EHMT1: variants seen among roughly 807,000 people sequenced by gnomAD.
EHMT1 encodes the protein histone-lysine N-methyltransferase EHMT1.
EHMT1 carries 15 observed loss-of-function variants against 147.2 expected under a neutral mutation model. That is an observed-to-expected ratio of 0.10 (90% confidence interval 0.07 to 0.16). The LOEUF (loss-of-function observed/expected upper bound fraction) is 0.16, where lower values mean the gene tolerates loss of function less well. EHMT1 is among the 10% of genes least tolerant of loss of function. The probability of loss-of-function intolerance (pLI) is 1.00; values close to 1 mark genes in which losing one functional copy is unlikely to be tolerated. For missense variants in EHMT1, 1,587 were observed against 1,772.4 expected (o/e 0.90, Z 1.88); for synonymous variants, 795 against 709.6 (o/e 1.12, Z -1.91).
chr9:137,805,450 G>A (rs1588811987), intron 18 of EHMT1, among the ~76,000 whole-genome samples: 2 of 152,360 alleles, frequency 1.3e-5, no homozygotes, highest in East Asian at 3.9e-4. Context: ...AGATGTGTGT[G>A]TCAGCTCCAG....
At chr9:137,730,744 C>T (rs1947038037) in intron 4 of EHMT1, among the ~76,000 whole-genome samples, 1 of 152,222 alleles carries the variant, frequency 6.6e-6, no homozygotes, top group South Asian at 2.1e-4. Context: ...GGCGTGGGCA[C>T]CTCTTCAGGA....
chr9:137,625,672 C>T (rs1231109044), intron 1 of EHMT1, among the ~76,000 whole-genome samples: 1 of 151,818 alleles, frequency 6.6e-6, no homozygotes, highest in African/African-American at 2.4e-5. Flanking sequence ...TCTGTGTTCT[C>T]CTTTTCCGTT....
At chr9:137,717,242 C>T in intron 3 of EHMT1, 60 bp downstream of exon 3, 1 of 1,583,968 alleles carries the variant, frequency 6.3e-7, no homozygotes, top group Non-Finnish European at 8.6e-7. Flanking sequence ...TTAATAACGG[C>T]AAATGGACTT....
Position 137,716,653 on chromosome 9 carries a change from C to A in EHMT1, c.113C>A (p.Ser38Ter). 6.3e-7 allele frequency: 1 copy of A among 1,587,318 alleles called. No homozygotes were observed. ...EETPMAADEG[S>*]AEKQAGEAHM... is the part of the protein sequence containing the mutation. ...ACACCTATGGCTGCCGATGAAGGCT[C>A]AGCAGAGAAACAGGCAGGAGAGGCC... The change falls in exon 3 of 27, where the codon TCA becomes TAA. Residue 38 changes from serine to a stop codon, truncating the protein, a stop_gained. Coordinates refer to ENST00000460843, the MANE Select transcript of EHMT1 (RefSeq NM_024757.5). LOFTEE classifies it high-confidence loss of function.
rs1948264978 is a variant in EHMT1, at chr9:137,743,310, A to G, written c.824-61A>G. The stretch of plus-strand genomic sequence containing the variant: ...GTAAACTGTCTCTTACCTTTGAAAA[A>G]CATTTGAATGGTGTTTCTTTTCCTT... On this transcript the variant is annotated intron_variant, in intron 4 of 26. Coordinates refer to ENST00000460843, the MANE Select transcript of EHMT1 (RefSeq NM_024757.5). 5 of 1,522,998 alleles carry G rather than the reference A, an allele frequency of 3.3e-6. No individual in the cohort carries two copies. In the Admixed American group the frequency reaches 6.3e-5, roughly 19 times the overall value. 94.3% of individuals were successfully genotyped at this position (1,522,998 alleles called of 1,614,324 possible).
intron 18 of EHMT1, among the ~76,000 whole-genome samples, chr9:137,809,559 A>G (rs1954243207): frequency 6.6e-6 from 1 of 152,184 alleles, no homozygotes; most frequent in South Asian, 2.1e-4. Flanking sequence ...GGCTTGGTTT[A>G]TGGCATCTGG....
At chr9:137,802,252 A>T (rs4876900) in intron 18 of EHMT1, among the ~76,000 whole-genome samples, 1 of 152,134 alleles carries the variant, frequency 6.6e-6, no homozygotes, top group Admixed American at 6.5e-5. Flanking sequence ...GCATAGACAC[A>T]CTGCAGCCCA....
rs561567964 is a variant in EHMT1, at chr9:137,737,789, C to T, written c.824-5582C>T. 8.5e-5 allele frequency among the ~76,000 whole-genome samples: 13 copies of T among 152,260 alleles called. No individual in the cohort carries two copies. In the South Asian group the frequency reaches 1.7e-3, roughly 19 times the overall value. ...ACACTGTTAACGGAATAAAAAGGCA[C>T]CTGTGGAGTAGGAGAAAATATCTGC... On this transcript the variant is annotated intron_variant, in intron 4 of 26. Transcript: ENST00000460843.
intron 1 of EHMT1, among the ~76,000 whole-genome samples, chr9:137,673,577 C>A (rs1940919482): frequency 2.0e-5 from 3 of 152,100 alleles, no homozygotes; most frequent in Non-Finnish European, 4.4e-5. Flanking sequence ...ATGTCTGTGT[C>A]CCTCCCTCAG....
At position 137,813,865 on chromosome 9, in the gene EHMT1, C is replaced by T. The variant is rs561983346; in HGVS notation, c.3180+335C>T. On this transcript the variant is annotated intron_variant, in intron 21 of 26. Coordinates refer to ENST00000460843, the MANE Select transcript of EHMT1 (RefSeq NM_024757.5). The surrounding 1 kb of genome is among the most constrained non-coding windows in gnomAD (Gnocchi z 4.9). ...GGGGCACAGGCGAGAGGAGCCCTTGCGAGGCCTGCAGGACGACCTGGATCC... is the reference window on the plus strand; with the variant it reads ...GGGGCACAGGCGAGAGGAGCCCTTGTGAGGCCTGCAGGACGACCTGGATCC... Among the ~76,000 whole-genome samples, 76 of 152,278 alleles carry T rather than the reference C, an allele frequency of 5.0e-4. No homozygotes were observed. The South Asian group carries it at 0.015, about 30-fold the overall frequency.
chr9:137,684,782 T>C (rs1351984887), intron 1 of EHMT1, among the ~76,000 whole-genome samples: 1 of 152,194 alleles, frequency 6.6e-6, no homozygotes, highest in Non-Finnish European at 1.5e-5. Context: ...TGAGCCACCA[T>C]ACCCAGCGTA....
rs527524002 is a variant in EHMT1 at position 137,824,972 on chromosome 9, A to G, written c.3540+6834A>G. Reference sequence around the variant, plus strand: ...CTTTGTTTTCTGGAAGGTCGGGCATAATGCTTGTTCTCTTCCCGGCACTGG... The same window carrying G: ...CTTTGTTTTCTGGAAGGTCGGGCATGATGCTTGTTCTCTTCCCGGCACTGG... On this transcript the variant is annotated intron_variant, in intron 25 of 26. Transcript: ENST00000460843. Among the ~76,000 whole-genome samples, 65 of 152,216 alleles carry G rather than the reference A, an allele frequency of 4.3e-4. 2 individuals are homozygous for G. Among genetic ancestry groups the G allele is most frequent in the Admixed American group, 3.8e-3 (58 of 15,298 alleles).
At position 137,775,161 on chromosome 9, in the gene EHMT1, A is replaced by G; in HGVS notation, c.1700A>G (p.Asn567Ser). 1 of 1,614,024 alleles carries G rather than the reference A, an allele frequency of 6.2e-7. No individual in the cohort carries two copies. Among genetic ancestry groups the G allele is most frequent in the Non-Finnish European group, 8.5e-7 (1 of 1,180,026 alleles). ...VVKYELMRPS[N>S]KAPLLVLCED... ...AAGTATGAGCTGATGCGCCCCTCCA[A>G]CAAGGCCCCGCTCCTCGTGCTGTGT... Residue 567 changes from asparagine to serine, a missense_variant, in exon 11 of 27, where the codon AAC (asparagine) becomes AGC (serine). Around this residue, in one of 7 missense-constraint regions of EHMT1, gnomAD observed 124 missense variants for 197.8 expected, o/e 0.63. Transcript: ENST00000460843. This position sits in a 1 kb window ranked among gnomAD's most constrained non-coding sequence, Gnocchi z 6.1.
At chr9:137,693,545 C>A (rs117583090) in intron 1 of EHMT1, among the ~76,000 whole-genome samples, 1 of 151,662 alleles carries the variant, frequency 6.6e-6, no homozygotes, top group African/African-American at 2.4e-5. Flanking sequence ...TTACCCACCA[C>A]GCAGTGGTGC....
At chr9:137,803,036 C>T (rs993531136) in intron 18 of EHMT1, 121 of 1,230,968 alleles carry the variant, frequency 9.8e-5, no homozygotes, top group Non-Finnish European at 1.1e-4. Flanking sequence ...CCACCGCCCC[C>T]GGAGACTGCG....
Position 137,744,097 on chromosome 9 carries a change from G to A in EHMT1, c.1170+7G>A. ...GGCTGATCGCGCCCAGAAGGTATGTGTTGCTGTCTTGGGTGACAGCACAAG... is the reference window on the plus strand; with the variant it reads ...GGCTGATCGCGCCCAGAAGGTATGTATTGCTGTCTTGGGTGACAGCACAAG... On this transcript the variant is annotated splice_region_variant and intron_variant, in intron 6 of 26. Transcript: ENST00000460843. The A allele has an allele frequency of 3.1e-6, 5 of 1,613,918 alleles. No individual in the cohort carries two copies. Among genetic ancestry groups the A allele is most frequent in the South Asian group, 1.1e-5 (1 of 91,088 alleles).
At chr9:137,799,982 G>A (rs1251059916) in intron 17 of EHMT1, among the ~76,000 whole-genome samples, 1 of 152,146 alleles carries the variant, frequency 6.6e-6, no homozygotes, top group African/African-American at 2.4e-5. Context: ...AGTGCCTGTG[G>A]TGGTGCTGAC....
intron 9 of EHMT1, among the ~76,000 whole-genome samples, chr9:137,758,846 G>A (rs1382929543): frequency 5.3e-5 from 8 of 152,126 alleles, no homozygotes; most frequent in Admixed American, 1.3e-4. Flanking sequence ...AGGCTAGTCC[G>A]GCTGGGCGCG....
intron 1 of EHMT1, among the ~76,000 whole-genome samples, chr9:137,624,531 G>A (rs1001316610): frequency 2.6e-5 from 4 of 152,096 alleles, no homozygotes; most frequent in Non-Finnish European, 5.9e-5. Context: ...GGCCAGGCAG[G>A]TCTCGAACTC....
Sources: allele counts gnomAD v4.1 joint callset (sites outside exome capture counted in the v4.1 genomes callset), GRCh38; gene constraint gnomAD v4.1.1; regional missense constraint gnomAD v4.1.1; non-coding constraint Gnocchi (gnomAD v3.1); transcripts MANE v1.5; gene names NCBI Gene and HGNC (gene_info 2026-07-23, HGNC 2026-07-21).